Variants in PLA2G10 observed in about 807,000 individuals in gnomAD.
PLA2G10 encodes the protein phospholipase A2 group X.
In PLA2G10, 9 loss-of-function variants were observed where a neutral mutation model predicts 7.9. That is an observed-to-expected ratio of 1.14 (90% CI 0.68 to 1.98). PLA2G10 has a LOEUF of 1.98. Among genes scored for constraint, PLA2G10 ranks in the 30% most tolerant of loss-of-function variants. The pLI, the probability that PLA2G10 is intolerant of heterozygous loss-of-function variation, is 0.00. For missense variants in PLA2G10, 53 were observed against 65.4 expected (o/e 0.81, Z 0.66); for synonymous variants, 19 against 27.5 (o/e 0.69, Z 0.97).
intron 3 of PLA2G10, among the ~76,000 whole-genome samples, chr16:14,680,063 C>T (rs943174210): frequency 6.6e-6 from 1 of 151,732 alleles, no homozygotes; most frequent in Non-Finnish European, 1.5e-5. Context: ...GCTCTGTTCA[C>T]TCGATGCTGT....
At chr16:14,681,503 A>G (rs934252127) in intron 3 of PLA2G10, among the ~76,000 whole-genome samples, 8 of 152,116 alleles carry the variant, frequency 5.3e-5, no homozygotes, top group Non-Finnish European at 5.9e-5. Context: ...GATCTCAGGA[A>G]CCCGATGGCA....
At chr16:14,677,998 A>G (rs1052419726) in intron 3 of PLA2G10, among the ~76,000 whole-genome samples, 1 of 152,182 alleles carries the variant, frequency 6.6e-6, no homozygotes, top group Non-Finnish European at 1.5e-5. Context: ...ATGGATAAAC[A>G]TAATATGTGC....
intron 3 of PLA2G10, among the ~76,000 whole-genome samples, chr16:14,679,467 C>G (rs1380554644): frequency 2.6e-5 from 4 of 152,008 alleles, no homozygotes; most frequent in African/African-American, 4.8e-5. Flanking sequence ...CAAGAACAGC[C>G]TGGCCAACAT....
intron 3 of PLA2G10, among the ~76,000 whole-genome samples, chr16:14,683,790 A>G (rs549099531): frequency 6.6e-6 from 1 of 152,218 alleles, no homozygotes; most frequent in Non-Finnish European, 1.5e-5. Flanking sequence ...CACCAAAAAC[A>G]CGAGCAACAA....
intron 3 of PLA2G10, among the ~76,000 whole-genome samples, chr16:14,686,140 C>T (rs1961053644): frequency 6.6e-6 from 1 of 151,596 alleles, no homozygotes; most frequent in Non-Finnish European, 1.5e-5. Context: ...ACTGCAGGTG[C>T]ACACCACCAC....
At chr16:14,673,057 T>C (rs1960635277) in intron 3 of PLA2G10, among the ~76,000 whole-genome samples, 2 of 149,740 alleles carry the variant, frequency 1.3e-5, no homozygotes, top group African/African-American at 4.9e-5. Context: ...GCTTGCTCTG[T>C]CGCCCAGGCT....
intron 3 of PLA2G10, among the ~76,000 whole-genome samples, chr16:14,680,226 G>C (rs1410081832): frequency 6.6e-6 from 1 of 150,742 alleles, no homozygotes; most frequent in Non-Finnish European, 1.5e-5. Flanking sequence ...TCAACCTCCC[G>C]AATAGCTGGG....
rs59516741 is a variant in PLA2G10, at chr16:14,675,932, CAA to C, written c.356-3185_356-3184del. Among the ~76,000 whole-genome samples, 54 of 46,684 alleles carry C rather than the reference CAA, an allele frequency of 1.2e-3. No homozygotes were observed. In the South Asian group the frequency reaches 0.016, roughly 14 times the overall value. The allele number at this position is 46,684 out of a possible 152,430, so 30.6% of individuals were successfully genotyped here. Reference sequence around the variant, plus strand: ...CCAGCCTAGGTGACAGAGCAAGACTCAAAAAAAAAAAAAAAAAAAAGTGGGCA... The same window carrying C: ...CCAGCCTAGGTGACAGAGCAAGACTCAAAAAAAAAAAAAAAAAAGTGGGCA... On this transcript the variant is annotated intron_variant, in intron 3 of 3. Transcript: ENST00000438167.
chr16:14,683,744 A>G (rs1205952784), intron 3 of PLA2G10, among the ~76,000 whole-genome samples: 1 of 152,176 alleles, frequency 6.6e-6, no homozygotes, highest in Non-Finnish European at 1.5e-5. Flanking sequence ...AACGGTAAAT[A>G]TTTATAACTT....
chr16:14,676,743 G>A (rs1960735598), intron 3 of PLA2G10, among the ~76,000 whole-genome samples: 2 of 152,160 alleles, frequency 1.3e-5, no homozygotes, highest in Non-Finnish European at 2.9e-5. Flanking sequence ...CCATAAAAAA[G>A]AACAAAATGT....
chr16:14,682,923 A>G (rs1960931995), intron 3 of PLA2G10, among the ~76,000 whole-genome samples: 1 of 151,680 alleles, frequency 6.6e-6, no homozygotes, highest in Non-Finnish European at 1.5e-5. Flanking sequence ...ACAAAAATCA[A>G]CTGGGTGTGG....
At chr16:14,685,734 G>A (rs1367495506) in intron 3 of PLA2G10, among the ~76,000 whole-genome samples, 9 of 151,892 alleles carry the variant, frequency 5.9e-5, no homozygotes, top group South Asian at 2.1e-4. Flanking sequence ...CCACGCTGTC[G>A]CCCAGGCTGG....
At chr16:14,687,385 G>A (rs1245791425) in intron 3 of PLA2G10, among the ~76,000 whole-genome samples, 1 of 142,434 alleles carries the variant, frequency 7.0e-6, no homozygotes, top group Non-Finnish European at 1.5e-5. Flanking sequence ...CTGGAGTGCT[G>A]TGACTCGATC....
intron 3 of PLA2G10, among the ~76,000 whole-genome samples, chr16:14,684,337 C>CAAAAAAA (rs71373100): frequency 7.5e-5 from 3 of 39,764 alleles, no homozygotes; most frequent in African/African-American, 1.1e-4. Flanking sequence ...GACTCCATCT[C>CAAAAAAA]AAAAAAAAAA....
chr16:14,672,721 C>T lies in PLA2G10; in HGVS notation c.384G>A (p.Leu128=). The T allele has an allele frequency of 1.2e-6, 2 of 1,613,974 alleles. No homozygotes were observed. The highest frequency in any genetic ancestry group is 1.7e-6 in the Non-Finnish European group (2 of 1,179,928). The change falls in exon 4 of 4, where the codon CTG becomes CTA. Residue 128 remains leucine, a synonymous_variant. Transcript: ENST00000438167. ...CGPAENKCQE[L]LCKCDQEIAN... ...CAATCTCCTGGTCACACTTGCACAA[C>T]AGTTCTTGGCATTTGTTCTCTGCCG...
chr16:14,686,762 T>C (rs1383792595), intron 3 of PLA2G10, among the ~76,000 whole-genome samples: 1 of 152,132 alleles, frequency 6.6e-6, no homozygotes, highest in Non-Finnish European at 1.5e-5. Flanking sequence ...CCCAAAGTGC[T>C]GGAACTATAG....
intron 3 of PLA2G10, among the ~76,000 whole-genome samples, chr16:14,687,722 C>A (rs1377168435): frequency 1.3e-5 from 2 of 151,934 alleles, no homozygotes; most frequent in Admixed American, 1.3e-4. Flanking sequence ...TAGGGCCAGA[C>A]ACCATGCCTC....
At chr16:14,680,090 T>A (rs923148543) in intron 3 of PLA2G10, among the ~76,000 whole-genome samples, 1 of 149,058 alleles carries the variant, frequency 6.7e-6, no homozygotes, top group African/African-American at 2.4e-5. Flanking sequence ...TCTTCCTTTC[T>A]TTTTGCTTTT....
chr16:14,685,989 C>CTTT (rs147554543), intron 3 of PLA2G10, among the ~76,000 whole-genome samples: 1,104 of 106,730 alleles, frequency 0.01, 32 homozygotes, highest in Non-Finnish European at 0.016. Context: ...TTTCTTTACT[C>CTTT]TTTTTTTTTT....
Sources: allele counts gnomAD v4.1 joint callset (sites outside exome capture counted in the v4.1 genomes callset), GRCh38; gene constraint gnomAD v4.1.1; transcripts MANE v1.5; gene names NCBI Gene and HGNC (gene_info 2026-07-23, HGNC 2026-07-21).